FAM200B: variants seen among roughly 807,000 people sequenced by gnomAD.
FAM200B encodes the protein protein FAM200B.
Under a neutral mutation model 33.1 loss-of-function variants are expected in FAM200B, and 32 were observed. That is an observed-to-expected ratio of 0.97 (90% confidence interval 0.73 to 1.30). The LOEUF is 1.30. Ranked by LOEUF, FAM200B falls within the 50% of genes most tolerant of loss-of-function variation. The probability of loss-of-function intolerance (pLI) is 0.00; values close to 1 mark genes in which losing one functional copy is unlikely to be tolerated. For synonymous variants in FAM200B, 240 were observed against 264.8 expected (o/e 0.91, Z 0.91); for missense variants, 741 against 754.0 (o/e 0.98, Z 0.20).
intron 1 of FAM200B, among the ~76,000 whole-genome samples, chr4:15,682,739 G>A (rs1718437431): frequency 6.6e-6 from 1 of 152,202 alleles, no homozygotes; most frequent in Admixed American, 6.5e-5. Context: ...ATGCATGGCT[G>A]CTGTAGCATT....
chr4:15,675,647 T>C, the FAM200B span, among the ~76,000 whole-genome samples: 1 of 145,492 alleles, frequency 6.9e-6, no homozygotes, highest in Non-Finnish European at 1.5e-5. Context: ...AATGGCGCCA[T>C]CTCAGCTCAC....
At chr4:15,654,520 T>C in the FAM200B span, among the ~76,000 whole-genome samples, 1 of 152,164 alleles carries the variant, frequency 6.6e-6, no homozygotes, top group Admixed American at 6.5e-5. Context: ...ATTGCTGTCT[T>C]ATAACAAAAT....
At chr4:15,681,707 C>G (rs1296601605), upstream of FAM200B, 1 of 152,808 alleles carries the variant, frequency 6.5e-6, no homozygotes, top group African/African-American at 2.4e-5. Context: ...CTCCCGGCAC[C>G]CCCGGACACC....
At chr4:15,667,161 G>C in the FAM200B span, among the ~76,000 whole-genome samples, 1 of 152,122 alleles carries the variant, frequency 6.6e-6, no homozygotes, top group Non-Finnish European at 1.5e-5. Flanking sequence ...AGTGCAAAGG[G>C]CACCTGAATA....
Position 15,687,424 on chromosome 4 carries a change from A to C in FAM200B, c.447A>C (p.Ser149=), listed in dbSNP as rs1446977138. ...STAVSEKALL[S]SYLVAYRVAK... ...CTGTTAGTGAGAAAGCCTTATTATC[A>C]TCATATTTAGTTGCATATCGTGTGG... Residue 149 remains serine, a synonymous_variant, in exon 2 of 2, where the codon TCA becomes TCC. Coordinates refer to ENST00000422728, the MANE Select transcript of FAM200B (RefSeq NM_001145191.2). 6.4e-7 allele frequency: 1 copy of C among 1,550,600 alleles called. No homozygotes were observed. The highest frequency in any genetic ancestry group is 2.0e-5 in the Admixed American group (1 of 50,984).
the FAM200B span, among the ~76,000 whole-genome samples, chr4:15,646,667 G>C: frequency 6.6e-6 from 1 of 151,532 alleles, no homozygotes; most frequent in Non-Finnish European, 1.5e-5. Context: ...TCTAACATTA[G>C]GTATATCTCC....
upstream of FAM200B, among the ~76,000 whole-genome samples, chr4:15,680,759 G>A (rs1052664644): frequency 6.6e-6 from 1 of 151,900 alleles, no homozygotes; most frequent in Non-Finnish European, 1.5e-5. Context: ...TAAGTAGCTT[G>A]AGAAAGAGAA....
the FAM200B span, among the ~76,000 whole-genome samples, chr4:15,660,298 A>C: frequency 2.0e-4 from 31 of 152,116 alleles, no homozygotes; most frequent in Admixed American, 6.5e-4. Flanking sequence ...GCCTAGGCTG[A>C]TCTTGAACTC....
chr4:15,650,661 CTTTTTTTTTTTTTTT>C, the FAM200B span, among the ~76,000 whole-genome samples: 2 of 77,884 alleles, frequency 2.6e-5, no homozygotes, highest in African/African-American at 5.1e-5. Context: ...AACTGACTTT[CTTTTTTTTTTTTTTT>C]TTTTTTTTTG....
chr4:15,662,826 AT>A, the FAM200B span, among the ~76,000 whole-genome samples: 1 of 152,244 alleles, frequency 6.6e-6, no homozygotes, highest in African/African-American at 2.4e-5. Flanking sequence ...GAACAGCAGA[AT>A]AGTGAACAAG....
the FAM200B span, among the ~76,000 whole-genome samples, chr4:15,661,291 G>A: frequency 6.6e-6 from 1 of 152,216 alleles, no homozygotes; most frequent in African/African-American, 2.4e-5. Context: ...TTACAGTGAA[G>A]AGACAGTAAA....
chr4:15,638,776 CGAAT>C, the FAM200B span: 1 of 852,314 alleles, frequency 1.2e-6, no homozygotes, highest in Non-Finnish European at 1.8e-6. Context: ...ATTAATGGCT[CGAAT>C]GTCGTATTAT....
the FAM200B span, among the ~76,000 whole-genome samples, chr4:15,670,315 C>T: frequency 6.6e-6 from 1 of 152,160 alleles, no homozygotes; most frequent in Non-Finnish European, 1.5e-5. Flanking sequence ...ATGATAGATA[C>T]GTTTAACTTT....
the FAM200B span, chr4:15,656,212 A>T: frequency 2.2e-6 from 1 of 456,122 alleles, no homozygotes; most frequent in African/African-American, 2.0e-5. Flanking sequence ...GTTCGGAGAG[A>T]AAACAAGGTC....
chr4:15,641,453 A>C, the FAM200B span: 1 of 364,410 alleles, frequency 2.7e-6, no homozygotes, highest in South Asian at 2.2e-5. Context: ...ATCCACTTCC[A>C]CTTAATAAAT....
chr4:15,652,297 T>C, the FAM200B span, among the ~76,000 whole-genome samples: 1 of 152,188 alleles, frequency 6.6e-6, no homozygotes, highest in Non-Finnish European at 1.5e-5. Context: ...TGATTTAATA[T>C]AAAGAAAATT....
chr4:15,660,023 A>G, the FAM200B span: 1 of 152,044 alleles, frequency 6.6e-6, no homozygotes, highest in Admixed American at 6.6e-5. Context: ...GCCTACAGAG[A>G]GGGGAAAAAA....
the FAM200B span, among the ~76,000 whole-genome samples, chr4:15,671,565 C>T: frequency 2.6e-5 from 4 of 152,144 alleles, no homozygotes; most frequent in South Asian, 2.1e-4. Flanking sequence ...TGAGCCACCA[C>T]GCCTGGGTGG....
chr4:15,643,808 GCTTTC>G, the FAM200B span, among the ~76,000 whole-genome samples: 1 of 152,318 alleles, frequency 6.6e-6, no homozygotes, highest in South Asian at 2.1e-4. Flanking sequence ...TAACTGGATA[GCTTTC>G]CTTTAAGAAT....
Sources: gnomAD v4.1 joint callset for allele counts (sites outside exome capture counted in the v4.1 genomes callset) on GRCh38, gnomAD v4.1.1 for gene constraint, MANE v1.5 for transcripts, NCBI Gene and HGNC (gene_info 2026-07-23, HGNC 2026-07-21) for gene names.